Variants in PAPPA observed in about 807,000 individuals in gnomAD.
PAPPA encodes pappalysin 1, also known as pappalysin-1.
PAPPA carries 60 observed loss-of-function variants against 164.0 expected under a neutral mutation model. The ratio of observed to expected loss-of-function variants is 0.37; its 90% CI spans 0.30 to 0.45. PAPPA has a LOEUF of 0.45. Ranked by LOEUF, PAPPA falls within the 20% of genes least tolerant of loss-of-function variation. The probability of loss-of-function intolerance (pLI) is 1.00; values close to 1 mark genes in which losing one functional copy is unlikely to be tolerated. For missense variants in PAPPA, 1,782 were observed against 2,087.3 expected (o/e 0.85, Z 2.85); for synonymous variants, 875 against 814.1 (o/e 1.07, Z -1.27).
At chr9:116,382,997 C>A (rs965269044) in intron 21 of PAPPA, among the ~76,000 whole-genome samples, 3 of 152,144 alleles carry the variant, frequency 2.0e-5, no homozygotes, top group Non-Finnish European at 4.4e-5. Context: ...AGGTCATTTA[C>A]AGTCTTTGAG....
At chr9:116,297,013 C>A (rs1027331214) in intron 9 of PAPPA, among the ~76,000 whole-genome samples, 10 of 151,926 alleles carry the variant, frequency 6.6e-5, no homozygotes, top group African/African-American at 1.9e-4. Flanking sequence ...CACCACCATG[C>A]CTGGCTAATT....
At chr9:116,255,795 G>T (rs1208287439) in intron 7 of PAPPA, among the ~76,000 whole-genome samples, 2 of 151,964 alleles carry the variant, frequency 1.3e-5, no homozygotes, top group East Asian at 3.9e-4. Context: ...TTTGGTGAAA[G>T]GGTGTACTAG....
intron 4 of PAPPA, among the ~76,000 whole-genome samples, chr9:116,216,302 T>C (rs1485893492): frequency 6.6e-6 from 1 of 152,138 alleles, no homozygotes; most frequent in Non-Finnish European, 1.5e-5. Flanking sequence ...GGGGTCAGCA[T>C]TGTGTCCAAA....
Position 116,235,434 on chromosome 9 carries a change from CTG to C in PAPPA, c.2530_2531del (p.Trp844GlyfsTer16). 6.2e-7 allele frequency: 1 copy of C among 1,613,772 alleles called. No individual in the cohort carries two copies. The highest frequency in any genetic ancestry group is 8.5e-7 in the Non-Finnish European group (1 of 1,179,894). ...FCDVPLTIRL[W>X]DVGEEVYGIQ... is the part of the protein sequence containing the mutation. ...GTGATGTCCCACTGACCATCAGACT[CTG>C]GGACGTGGGCGAGGAGGTGTATGGC... is the stretch of plus-strand genomic sequence containing the variant. On this transcript the variant is annotated frameshift_variant, in exon 7 of 22. Transcript: ENST00000328252. LOFTEE classifies it high-confidence loss of function.
At chr9:116,310,605 A>C (rs1845704553) in intron 10 of PAPPA, among the ~76,000 whole-genome samples, 1 of 152,112 alleles carries the variant, frequency 6.6e-6, no homozygotes, top group Admixed American at 6.6e-5. Context: ...ACTGAATCTT[A>C]TGGGGCCCCA....
chr9:116,335,707 G>A (rs1039103273), intron 13 of PAPPA, among the ~76,000 whole-genome samples: 18 of 152,130 alleles, frequency 1.2e-4, no homozygotes, highest in African/African-American at 4.1e-4. Context: ...AAAAGAATAC[G>A]AGCTTTGGGA....
chr9:116,286,587 A>T (rs1845342409), intron 9 of PAPPA: 1 of 152,108 alleles, frequency 6.6e-6, no homozygotes, highest in African/African-American at 2.4e-5. Context: ...TTCCTAATGG[A>T]CTGTGGGCCT....
chr9:116,323,383 C>T (rs1373821212), intron 10 of PAPPA, among the ~76,000 whole-genome samples: 8 of 152,214 alleles, frequency 5.3e-5, no homozygotes, highest in Non-Finnish European at 5.9e-5. Flanking sequence ...ATGTTCAAGC[C>T]GGTCTCTTCT....
chr9:116,384,465 A>T (rs1294178845), intron 21 of PAPPA, among the ~76,000 whole-genome samples: 1 of 151,954 alleles, frequency 6.6e-6, no homozygotes, highest in Non-Finnish European at 1.5e-5. Flanking sequence ...AAAATTTAAA[A>T]AAGTTCTGAT....
At chr9:116,311,665 C>T (rs1193517630) in intron 10 of PAPPA, among the ~76,000 whole-genome samples, 1 of 152,156 alleles carries the variant, frequency 6.6e-6, no homozygotes, top group Admixed American at 6.5e-5. Flanking sequence ...CTCAATTGTC[C>T]TCATCTTCAC....
intron 20 of PAPPA, 93 bp downstream of exon 20, chr9:116,377,740 T>A: frequency 2.2e-6 from 2 of 919,892 alleles, no homozygotes; most frequent in Non-Finnish European, 3.5e-6. Flanking sequence ...TCCTTTGCCA[T>A]ACCTACTGAG....
intron 7 of PAPPA, among the ~76,000 whole-genome samples, chr9:116,245,422 C>T (rs1384733927): frequency 6.6e-6 from 1 of 152,082 alleles, no homozygotes; most frequent in Non-Finnish European, 1.5e-5. Flanking sequence ...TACAATACTG[C>T]CCTGGTATTC....
chr9:116,383,185 T>C (rs1229320324), intron 21 of PAPPA, among the ~76,000 whole-genome samples: 2 of 152,030 alleles, frequency 1.3e-5, no homozygotes, highest in Admixed American at 6.6e-5. Context: ...GCCACCTCCA[T>C]TTTTCTCCGA....
intron 10 of PAPPA, among the ~76,000 whole-genome samples, chr9:116,314,934 T>C (rs962144734): frequency 2.9e-4 from 44 of 152,226 alleles, no homozygotes; most frequent in African/African-American, 1.0e-3. Context: ...CAGCTTTTCA[T>C]ACCAAATGAC....
At chr9:116,292,704 C>A (rs938105262) in intron 9 of PAPPA, among the ~76,000 whole-genome samples, 4 of 152,072 alleles carry the variant, frequency 2.6e-5, no homozygotes, top group African/African-American at 7.2e-5. Flanking sequence ...GCAGTTGGGA[C>A]TCAGAGAAGA....
intron 5 of PAPPA, among the ~76,000 whole-genome samples, chr9:116,223,402 C>T (rs907839698): frequency 6.6e-6 from 1 of 152,024 alleles, no homozygotes; most frequent in Admixed American, 6.5e-5. Context: ...ATAAATACCA[C>T]CTGATTGTTG....
intron 10 of PAPPA, among the ~76,000 whole-genome samples, chr9:116,317,786 A>G (rs1845805253): frequency 6.6e-6 from 1 of 152,182 alleles, no homozygotes; most frequent in Non-Finnish European, 1.5e-5. Flanking sequence ...ACTGCTGGCA[A>G]TAGCTCTGTG....
intron 17 of PAPPA, among the ~76,000 whole-genome samples, chr9:116,355,862 A>G (rs761236396): frequency 2.0e-5 from 3 of 152,150 alleles, no homozygotes; most frequent in Non-Finnish European, 4.4e-5. Context: ...GTGCGTGCCA[A>G]ATGGACTCCT....
chr9:116,335,079 G>C lies in PAPPA; in HGVS notation c.3611+5G>C. On this transcript the variant is annotated splice_donor_5th_base_variant and intron_variant, in intron 13 of 21. Coordinates refer to ENST00000328252, the MANE Select transcript of PAPPA (RefSeq NM_002581.5). ...CTACAGCCCTGCCGAGCAGAGGTAA[G>C]GGATCCGCGGCAGACTCGCCCTAGG... 1 of 1,610,664 alleles carries C rather than the reference G, an allele frequency of 6.2e-7. No homozygotes were observed. The highest frequency in any genetic ancestry group is 8.5e-7 in the Non-Finnish European group (1 of 1,178,684).
Sources: allele counts gnomAD v4.1 joint callset (sites outside exome capture counted in the v4.1 genomes callset), GRCh38; gene constraint gnomAD v4.1.1; transcripts MANE v1.5; gene names NCBI Gene and HGNC (gene_info 2026-07-23, HGNC 2026-07-21).